The following ENTREP2 variants were observed in gnomAD, a reference collection of about 807,000 sequenced individuals.
ENTREP2 encodes endosomal transmembrane epsin interactor 2.
the ENTREP2 span, among the ~76,000 whole-genome samples, chr15:29,381,455 C>CAAAA: frequency 1.9e-3 from 83 of 44,296 alleles, 10 homozygotes; most frequent in African/African-American, 5.5e-3. Flanking sequence ...GACTCTGTCT[C>CAAAA]AAAAAAAAAA....
chr15:29,196,871 A>G, the ENTREP2 span, among the ~76,000 whole-genome samples: 4 of 152,252 alleles, frequency 2.6e-5, no homozygotes, highest in African/African-American at 9.6e-5. Context: ...AAAGTCACTC[A>G]TGCTGATGTA....
At chr15:29,124,648 C>G in the ENTREP2 span, 1 of 1,525,450 alleles carries the variant, frequency 6.6e-7, no homozygotes, top group Admixed American at 2.0e-5. Context: ...CACCTCCCAG[C>G]AGGCGCAGTC....
At chr15:29,196,391 G>T in the ENTREP2 span, 13 of 1,544,084 alleles carry the variant, frequency 8.4e-6, no homozygotes, top group African/African-American at 1.5e-4. Context: ...GTAAGGCATG[G>T]AATGAAATGC....
the ENTREP2 span, among the ~76,000 whole-genome samples, chr15:29,437,706 G>A: frequency 6.6e-6 from 1 of 152,180 alleles, no homozygotes; most frequent in South Asian, 2.1e-4. Context: ...AATTTCCAAA[G>A]TAAATGCAAA....
chr15:29,195,276 G>A, the ENTREP2 span: 16 of 985,194 alleles, frequency 1.6e-5, no homozygotes, highest in Non-Finnish European at 1.2e-5. Flanking sequence ...CCATGGAGAT[G>A]AGCCGCATCC....
the ENTREP2 span, among the ~76,000 whole-genome samples, chr15:29,395,579 G>C: frequency 1.3e-5 from 2 of 149,714 alleles, no homozygotes; most frequent in African/African-American, 4.9e-5. Flanking sequence ...CTAGGCTGGA[G>C]TGCAGTGACG....
chr15:29,593,984 T>C, the ENTREP2 span, among the ~76,000 whole-genome samples: 2 of 152,214 alleles, frequency 1.3e-5, no homozygotes, highest in Non-Finnish European at 2.9e-5. Flanking sequence ...AGTTTTGATA[T>C]TGTACTATAG....
At chr15:29,340,288 T>C in the ENTREP2 span, among the ~76,000 whole-genome samples, 1 of 152,022 alleles carries the variant, frequency 6.6e-6, no homozygotes, top group Non-Finnish European at 1.5e-5. Context: ...GTTTAGGAGG[T>C]ATCAGGAACG....
At chr15:29,250,066 C>A in the ENTREP2 span, among the ~76,000 whole-genome samples, 3 of 152,104 alleles carry the variant, frequency 2.0e-5, no homozygotes, top group South Asian at 6.2e-4. Flanking sequence ...CCACCTCCAA[C>A]GCTCGGGATT....
the ENTREP2 span, among the ~76,000 whole-genome samples, chr15:29,439,007 A>G: frequency 6.6e-6 from 1 of 152,192 alleles, no homozygotes; most frequent in East Asian, 1.9e-4. Flanking sequence ...ATGACTTCAT[A>G]AAACAAAACT....
At chr15:29,531,492 GGGCA>G in the ENTREP2 span, among the ~76,000 whole-genome samples, 2 of 152,162 alleles carry the variant, frequency 1.3e-5, no homozygotes, top group African/African-American at 4.8e-5. Flanking sequence ...AGAACATGAA[GGGCA>G]GCCCTGGGGA....
At chr15:29,632,965 T>C in the ENTREP2 span, among the ~76,000 whole-genome samples, 3 of 152,226 alleles carry the variant, frequency 2.0e-5, no homozygotes, top group African/African-American at 7.2e-5. Flanking sequence ...ACAAGTTGCA[T>C]GAGGATGAGG....
At chr15:29,352,789 T>G in the ENTREP2 span, among the ~76,000 whole-genome samples, 1 of 152,234 alleles carries the variant, frequency 6.6e-6, no homozygotes, top group East Asian at 1.9e-4. Context: ...TCCTTTTTGC[T>G]TATCAACTTC....
chr15:29,315,501 G>A, the ENTREP2 span, among the ~76,000 whole-genome samples: 4 of 152,316 alleles, frequency 2.6e-5, no homozygotes, highest in Non-Finnish European at 5.9e-5. Context: ...GATAAATCCA[G>A]ATGGGATGGC....
chr15:29,452,825 G>C, the ENTREP2 span: 1 of 150,586 alleles, frequency 6.6e-6, no homozygotes, highest in Admixed American at 6.7e-5. Context: ...AGGGTGGGGG[G>C]TTGGGGGGAG....
chr15:29,216,846 C>T, the ENTREP2 span, among the ~76,000 whole-genome samples: 1 of 151,580 alleles, frequency 6.6e-6, no homozygotes, highest in African/African-American at 2.4e-5. Context: ...TACTGTGAAC[C>T]ATTGTTTAAA....
At chr15:29,244,260 TAGAA>T in the ENTREP2 span, among the ~76,000 whole-genome samples, 3 of 152,216 alleles carry the variant, frequency 2.0e-5, no homozygotes, top group African/African-American at 7.2e-5. Flanking sequence ...AAAAAAATCT[TAGAA>T]AGCCAGGATG....
the ENTREP2 span, among the ~76,000 whole-genome samples, chr15:29,235,410 G>A: frequency 6.6e-6 from 1 of 151,984 alleles, no homozygotes. Flanking sequence ...GAAAGTCCTG[G>A]CCACACCTTA....
chr15:29,422,244 T>C, the ENTREP2 span, among the ~76,000 whole-genome samples: 1 of 150,526 alleles, frequency 6.6e-6, no homozygotes, highest in Non-Finnish European at 1.5e-5. Context: ...CACTCCAGCC[T>C]GAGCAACAAG....
Sources: allele counts gnomAD v4.1 joint callset (sites outside exome capture counted in the v4.1 genomes callset), GRCh38; gene constraint gnomAD v4.1.1; transcripts MANE v1.5; gene names NCBI Gene and HGNC (gene_info 2026-07-23, HGNC 2026-07-21).